The following SRL variants were observed in gnomAD, a reference collection of about 807,000 sequenced individuals.
SRL encodes sarcalumenin.
SRL carries 23 observed loss-of-function variants against 39.5 expected under a neutral mutation model. The ratio of observed to expected loss-of-function variants is 0.58; its 90% CI spans 0.42 to 0.82. The LOEUF (loss-of-function observed/expected upper bound fraction) is 0.82, where lower values mean the gene tolerates loss of function less well. SRL is among the 40% of genes least tolerant of loss of function. SRL has a pLI of 0.00. For synonymous variants in SRL, 272 were observed against 237.4 expected (o/e 1.15, Z -1.34); for missense variants, 592 against 607.8 (o/e 0.97, Z 0.27).
intron 1 of SRL, among the ~76,000 whole-genome samples, chr16:4,235,048 T>C (rs1300653080): frequency 6.6e-6 from 1 of 152,154 alleles, no homozygotes; most frequent in Non-Finnish European, 1.5e-5. Flanking sequence ...GCTCCCCCCA[T>C]GACCAGTGTC....
rs755286814 is a variant in SRL at position 4,192,309 on chromosome 16, G to A, written c.1266C>T (p.Tyr422=). The A allele has an allele frequency of 4.3e-6, 7 of 1,614,080 alleles. No homozygotes were observed. The highest frequency in any genetic ancestry group is 4.0e-5 in the African/African-American group (3 of 74,924). The part of the protein sequence containing the change: ...SFKLLSQQCS[Y]MGGCFLEKIE... ...TCTTCTCCAGAAAGCAACCTCCCATGTAGGAGCACTGCTGGGAGAGCAGTT... is the reference window on the plus strand; with the variant it reads ...TCTTCTCCAGAAAGCAACCTCCCATATAGGAGCACTGCTGGGAGAGCAGTT... Residue 422 remains tyrosine (Y), a synonymous_variant, in exon 6 of 6, where the codon TAC becomes TAT. Transcript: ENST00000399609. This position sits in a 1 kb window ranked among gnomAD's most constrained non-coding sequence, Gnocchi z 4.0.
At chr16:4,221,942 GA>G (rs1463199733) in intron 1 of SRL, among the ~76,000 whole-genome samples, 3 of 152,170 alleles carry the variant, frequency 2.0e-5, no homozygotes, top group African/African-American at 7.2e-5. Context: ...CTTCATATTG[GA>G]TTTATGGCCA....
chr16:4,205,224 G>A (rs540863121), intron 1 of SRL, among the ~76,000 whole-genome samples: 1 of 152,214 alleles, frequency 6.6e-6, no homozygotes, highest in South Asian at 2.1e-4. Flanking sequence ...TGAGACAGGA[G>A]GATTCTCTCA....
chr16:4,211,332 C>G (rs2052389681), intron 1 of SRL, among the ~76,000 whole-genome samples: 1 of 152,246 alleles, frequency 6.6e-6, no homozygotes, highest in African/African-American at 2.4e-5. Context: ...CTCCTAGGGC[C>G]TGGCATTTGC....
chr16:4,239,978 T>A (rs1234513987), intron 1 of SRL, among the ~76,000 whole-genome samples: 2 of 152,146 alleles, frequency 1.3e-5, no homozygotes. Flanking sequence ...CGTCCTGGCA[T>A]GGGCACGGGC....
At chr16:4,235,692 C>T (rs568697224) in intron 1 of SRL, among the ~76,000 whole-genome samples, 1 of 152,102 alleles carries the variant, frequency 6.6e-6, no homozygotes, top group Non-Finnish European at 1.5e-5. Flanking sequence ...CTAAGTGAGA[C>T]CTTATCTCAA....
intron 1 of SRL, among the ~76,000 whole-genome samples, chr16:4,223,836 T>C (rs999670070): frequency 1.3e-5 from 2 of 152,244 alleles, no homozygotes; most frequent in East Asian, 3.9e-4. Flanking sequence ...AACCTGCTTG[T>C]GTGAGGCTGC....
intron 3 of SRL, 92 bp downstream of exon 3, chr16:4,203,074 G>A (rs1014370167): frequency 8.1e-6 from 9 of 1,111,712 alleles, no homozygotes; most frequent in African/African-American, 7.7e-5. Flanking sequence ...TGTGGGTACC[G>A]GGAGAGTCCA....
intron 1 of SRL, chr16:4,207,643 C>T (rs780803267): frequency 1.1e-4 from 50 of 437,252 alleles, no homozygotes; most frequent in Non-Finnish European, 2.1e-4. Context: ...CCAGCCTGTC[C>T]TCCTGCCTCT....
At chr16:4,208,673 G>C (rs530480238) in intron 1 of SRL, among the ~76,000 whole-genome samples, 1 of 152,174 alleles carries the variant, frequency 6.6e-6, no homozygotes, top group African/African-American at 2.4e-5. Context: ...TACACAGCAC[G>C]GTGCTTAAGG....
rs547628943 is a variant in SRL, at chr16:4,220,641, G to A, written c.62-16007C>T. Among the ~76,000 whole-genome samples, 589 of 152,282 alleles carry A rather than the reference G, an allele frequency of 3.9e-3. 3 individuals are homozygous for A. Among genetic ancestry groups the A allele is most frequent in the African/African-American group, 0.013 (557 of 41,554 alleles). On this transcript the variant is annotated intron_variant, in intron 1 of 5. Transcript: ENST00000399609. The stretch of plus-strand genomic sequence containing the variant: ...CTCTCTGGATATCCCACCCCAGGGA[G>A]AAATCATCATTCAACCCAACAGCAG...
intron 3 of SRL, among the ~76,000 whole-genome samples, chr16:4,202,404 T>C (rs1452416545): frequency 1.3e-5 from 2 of 152,076 alleles, no homozygotes; most frequent in Non-Finnish European, 2.9e-5. Flanking sequence ...CCATCCTGGC[T>C]AACATGGTGA....
chr16:4,232,206 C>T (rs1359363027), intron 1 of SRL, among the ~76,000 whole-genome samples: 1 of 152,178 alleles, frequency 6.6e-6, no homozygotes, highest in Non-Finnish European at 1.5e-5. Context: ...TCTTGGGAGC[C>T]CGAGGCCAGG....
chr16:4,190,618 T>C lies in SRL; in HGVS notation c.*1535A>G, dbSNP rs1029324926. ...CAAGTTCTCTACTCCCTAGAGTCTA[T>C]GTGATCTCCCTAATCTCTCTTGGAC... is the stretch of plus-strand genomic sequence containing the variant. On this transcript the variant is annotated 3_prime_UTR_variant, in exon 6 of 6. Transcript: ENST00000399609. 1.8e-5 allele frequency: 7 copies of C among 397,640 alleles called. No homozygotes were observed. The highest frequency in any genetic ancestry group is 4.4e-5 in the Admixed American group (1 of 22,710). The allele number at this position is 397,640 out of a possible 1,614,324, so 24.6% of individuals were successfully genotyped here.
chr16:4,201,316 A>C lies in SRL; in HGVS notation c.259+1850T>G, dbSNP rs529045291. On this transcript the variant is annotated intron_variant, in intron 3 of 5. Transcript: ENST00000399609. ...TTTTGAGATGGAGTCTCACTCTGTCACCCAGGCTGGAGTGCAGTGGCACAA... is the reference window on the plus strand; with the variant it reads ...TTTTGAGATGGAGTCTCACTCTGTCCCCCAGGCTGGAGTGCAGTGGCACAA... Among the ~76,000 whole-genome samples the C allele has an allele frequency of 2.0e-5, 3 of 151,052 alleles. 1 individual carries two copies. Among genetic ancestry groups the C allele is most frequent in the Admixed American group, 2.0e-4 (3 of 15,176 alleles).
At chr16:4,199,693 C>T (rs112453442) in intron 3 of SRL, among the ~76,000 whole-genome samples, 8,160 of 96,508 alleles carry the variant, frequency 0.085, 1,104 homozygotes, top group African/African-American at 0.31. Context: ...TTTTCTTTTC[C>T]TTTTTTTTTT....
At chr16:4,223,125 G>A (rs1026233958) in intron 1 of SRL, among the ~76,000 whole-genome samples, 1 of 151,518 alleles carries the variant, frequency 6.6e-6, no homozygotes, top group Non-Finnish European at 1.5e-5. Context: ...CCAGCTACTC[G>A]GGAGGCTGAG....
At chr16:4,225,483 C>T (rs1413201247) in intron 1 of SRL, among the ~76,000 whole-genome samples, 2 of 152,218 alleles carry the variant, frequency 1.3e-5, no homozygotes, top group African/African-American at 2.4e-5. Flanking sequence ...ACTCAGGAGG[C>T]TGAGGTGGGA....
At chr16:4,217,045 C>G (rs367588017) in intron 1 of SRL, among the ~76,000 whole-genome samples, 11 of 152,298 alleles carry the variant, frequency 7.2e-5, no homozygotes, top group African/African-American at 2.2e-4. Context: ...AATCTGGGCC[C>G]ACCCCATCCC....
Sources: gnomAD v4.1 joint callset for allele counts (sites outside exome capture counted in the v4.1 genomes callset) on GRCh38, gnomAD v4.1.1 for gene constraint, Gnocchi (gnomAD v3.1) non-coding constraint, MANE v1.5 for transcripts, NCBI Gene and HGNC (gene_info 2026-07-23, HGNC 2026-07-21) for gene names.